BRSK2: variants seen among roughly 807,000 people sequenced by gnomAD.
The protein encoded by BRSK2 is serine/threonine-protein kinase BRSK2.
BRSK2 carries 19 observed loss-of-function variants against 83.3 expected under a neutral mutation model. That is an observed-to-expected ratio of 0.23 (90% CI 0.16 to 0.33). The LOEUF (loss-of-function observed/expected upper bound fraction) is 0.33, where lower values mean the gene tolerates loss of function less well. Among genes scored for constraint, BRSK2 ranks in the 10% least tolerant of loss-of-function variants. The pLI is 1.00. For missense variants in BRSK2, 798 were observed against 1,042.3 expected (o/e 0.77, Z 3.23); for synonymous variants, 519 against 435.4 (o/e 1.19, Z -2.39).
chr11:1,440,703 C>T, intron 3 of BRSK2, 85 bp from the exon 4 acceptor site: 1 of 1,485,714 alleles, frequency 6.7e-7, no homozygotes, highest in East Asian at 2.5e-5. Context: ...GAGGCTGGGC[C>T]AGGAGGCGGC....
chr11:1,461,414 G>A lies in BRSK2; in HGVS notation c.*691G>A, dbSNP rs1847488598. On this transcript the variant is annotated 3_prime_UTR_variant, in exon 20 of 20. Transcript: ENST00000528841. ...CCTCCCGTCCTCTCGTCTCACCCGC[G>A]CCTCCCTTGCCTCATCTGGGGCGGC... 4.0e-6 allele frequency: 1 copy of A among 248,108 alleles called. No individual in the cohort carries two copies. Among genetic ancestry groups the A allele is most frequent in the Non-Finnish European group, 7.8e-6 (1 of 128,820 alleles). 15.4% of individuals were successfully genotyped at this position (248,108 alleles called of 1,614,324 possible).
chr11:1,439,869 T>TCTTCCCCTGCCCTGGGGGCTTCACAC (rs373230739), intron 3 of BRSK2, among the ~76,000 whole-genome samples: 20 of 133,954 alleles, frequency 1.5e-4, no homozygotes, highest in African/African-American at 4.0e-4. Flanking sequence ...GGGCTTCATA[T>TCTTCCCCTGCCCTGGGGGCTTCACAC]CTTCCCCTGC....
At chr11:1,435,238 G>T (rs1850131729) in intron 1 of BRSK2, among the ~76,000 whole-genome samples, 1 of 134,258 alleles carries the variant, frequency 7.4e-6, no homozygotes, top group South Asian at 2.8e-4. Context: ...TCTCAGCGGA[G>T]GAGGGGTGCC....
In BRSK2 at chr11:1,454,372, T is replaced by A; in HGVS notation, c.1545-113T>A. On this transcript the variant is annotated intron_variant, in intron 15 of 19. Transcript: ENST00000528841. The surrounding 1 kb of genome is among the most constrained non-coding windows in gnomAD (Gnocchi z 5.2). ...TGGCTAGCACTGTGGAGACAGCCGT[T>A]TCTATCACGAAGCGATGGAAGATTC... 7.6e-7 allele frequency: 1 copy of A among 1,314,276 alleles called. No individual in the cohort carries two copies. The highest frequency in any genetic ancestry group is 1.4e-5 in the African/African-American group (1 of 69,002). 81.4% of individuals were successfully genotyped at this position (1,314,276 alleles called of 1,614,324 possible). A position where few individuals can be genotyped will look rare whatever the true frequency, so the allele number is the denominator to read the frequency against.
At chr11:1,397,316 C>T (rs767021584) in intron 1 of BRSK2, among the ~76,000 whole-genome samples, 2 of 152,114 alleles carry the variant, frequency 1.3e-5, no homozygotes, top group African/African-American at 2.4e-5. Context: ...GGACAAAGCA[C>T]GGATTGTGCC....
Position 1,454,680 on chromosome 11 carries a change from C to A in BRSK2, c.1668+72C>A, listed in dbSNP as rs1207116595. The stretch of plus-strand genomic sequence containing the variant: ...ACACGGCCCAGCCCCGAGAATCCAG[C>A]CTCCTCACGTAGACAGGACATGTCC... On this transcript the variant is annotated intron_variant, in intron 16 of 19. Transcript: ENST00000528841. The surrounding 1 kb of genome is among the most constrained non-coding windows in gnomAD (Gnocchi z 5.2). The A allele has an allele frequency of 2.5e-6, 4 of 1,573,868 alleles. No individual in the cohort carries two copies. In the South Asian group the frequency reaches 3.4e-5, roughly 13 times the overall value.
chr11:1,458,313 C>T (rs1282027424), intron 18 of BRSK2, among the ~76,000 whole-genome samples: 2 of 152,160 alleles, frequency 1.3e-5, no homozygotes, highest in Admixed American at 1.3e-4. Flanking sequence ...CCAAGCCCCT[C>T]TCCATTCCTG....
At chr11:1,407,607 G>A (rs955524077) in intron 1 of BRSK2, among the ~76,000 whole-genome samples, 4 of 152,212 alleles carry the variant, frequency 2.6e-5, no homozygotes, top group African/African-American at 9.7e-5. Context: ...AGGGGTTCTA[G>A]ACCCTCTAGG....
In BRSK2 at chr11:1,456,362, C is replaced by A. The variant is rs762280710; in HGVS notation, c.1683C>A (p.Ser561Arg). Residue 561 changes from serine to arginine, a missense_variant, in exon 17 of 20, where the codon AGC (serine) becomes AGA (arginine). Coordinates refer to ENST00000528841, the MANE Select transcript of BRSK2 (RefSeq NM_001256627.2). ...TCTCTCCACAGATTCCCAGTCTCAGCCACAGCGTCATCTCCCAAACGAGCT... is the reference window on the plus strand; with the variant it reads ...TCTCTCCACAGATTCCCAGTCTCAGACACAGCGTCATCTCCCAAACGAGCT... ...VHAFLSIPSL[S>R]HSVISQTSFR... 4.5e-6 allele frequency: 7 copies of A among 1,570,744 alleles called. No individual in the cohort carries two copies. Among genetic ancestry groups the A allele is most frequent in the Non-Finnish European group, 6.0e-6 (7 of 1,158,732 alleles).
chr11:1,418,760 T>C (rs1279441462), intron 1 of BRSK2, among the ~76,000 whole-genome samples: 11 of 152,266 alleles, frequency 7.2e-5, no homozygotes, highest in Admixed American at 7.2e-4. Flanking sequence ...GTAGGAGCTG[T>C]CATCCTGGAG....
Position 1,460,755 on chromosome 11 carries a change from G to T in BRSK2, c.*32G>T. On this transcript the variant is annotated 3_prime_UTR_variant, in exon 20 of 20. Coordinates refer to ENST00000528841, the MANE Select transcript of BRSK2 (RefSeq NM_001256627.2). ...TAGCCCCCCCCCCCAGCACAGCACT[G>T]ACAGCGGCTGCCTCGCCGCCCGCCG... is the stretch of plus-strand genomic sequence containing the variant. 7.2e-7 allele frequency: 1 copy of T among 1,380,694 alleles called. No individual in the cohort carries two copies. Among genetic ancestry groups the T allele is most frequent in the East Asian group, 2.8e-5 (1 of 35,304 alleles). The allele number at this position is 1,380,694 out of a possible 1,614,324, so 85.5% of individuals were successfully genotyped here. A position where few individuals can be genotyped will look rare whatever the true frequency, so the allele number is the denominator to read the frequency against.
Position 1,460,729 on chromosome 11 carries a change from C to A in BRSK2, c.*6C>A. 7.2e-7 allele frequency: 1 copy of A among 1,386,812 alleles called. No homozygotes were observed. The highest frequency in any genetic ancestry group is 1.4e-5 in the South Asian group (1 of 71,036). 85.9% of individuals were successfully genotyped at this position (1,386,812 alleles called of 1,614,324 possible). A position where few individuals can be genotyped will look rare whatever the true frequency, so the allele number is the denominator to read the frequency against. On this transcript the variant is annotated 3_prime_UTR_variant, in exon 20 of 20. Coordinates refer to ENST00000528841, the MANE Select transcript of BRSK2 (RefSeq NM_001256627.2). ...CCCGCCGCGAGCAGCCTTAGACACA[C>A]TAGCCCCCCCCCCCAGCACAGCACT...
chr11:1,449,054 C>T lies in BRSK2; in HGVS notation c.1227-722C>T, dbSNP rs1205752276. Among the ~76,000 whole-genome samples the T allele has an allele frequency of 4.6e-5, 7 of 152,232 alleles. No homozygotes were observed. The South Asian group carries it at 6.2e-4, about 13-fold the overall frequency. ...GATGGCAGCTGCCACTGTCTGGGCA[C>T]GTGGGCGCCGGCTCGTCCGTGCAGT... On this transcript the variant is annotated intron_variant, in intron 12 of 19. Coordinates refer to ENST00000528841, the MANE Select transcript of BRSK2 (RefSeq NM_001256627.2).
At chr11:1,452,758 G>C (rs888006712) in intron 15 of BRSK2, among the ~76,000 whole-genome samples, 1 of 152,040 alleles carries the variant, frequency 6.6e-6, no homozygotes, top group Non-Finnish European at 1.5e-5. Context: ...CCAAGGGCCC[G>C]GCACAGATGC....
chr11:1,453,174 C>T (rs1461124592), intron 15 of BRSK2, among the ~76,000 whole-genome samples: 1 of 152,246 alleles, frequency 6.6e-6, no homozygotes, highest in Non-Finnish European at 1.5e-5. Flanking sequence ...CTAAAAATAG[C>T]TTCATAGCAA....
At chr11:1,400,091 C>A (rs544373203) in intron 1 of BRSK2, among the ~76,000 whole-genome samples, 1 of 152,270 alleles carries the variant, frequency 6.6e-6, no homozygotes. Context: ...GCACTGATTT[C>A]TAGAAACTGG....
chr11:1,459,098 AC>A (rs1847048958), intron 18 of BRSK2, 93 bp from the exon 19 acceptor site: 18 of 914,604 alleles, frequency 2.0e-5, no homozygotes, highest in South Asian at 7.8e-5. Context: ...TCCTGGCTCC[AC>A]CCCCTCCCCA....
chr11:1,394,922 C>A (rs1314198873), intron 1 of BRSK2, among the ~76,000 whole-genome samples: 1 of 131,246 alleles, frequency 7.6e-6, no homozygotes, highest in African/African-American at 3.0e-5. Flanking sequence ...GAGATGGGTC[C>A]TGGAGATGGG....
At chr11:1,443,164 C>G in intron 6 of BRSK2, 25 bp downstream of exon 6, 1 of 1,537,104 alleles carries the variant, frequency 6.5e-7, no homozygotes, top group Non-Finnish European at 8.7e-7. Context: ...CCGCGTGCAG[C>G]TCTGTGGGGC....
Sources: allele counts gnomAD v4.1 joint callset (sites outside exome capture counted in the v4.1 genomes callset), GRCh38; gene constraint gnomAD v4.1.1; non-coding constraint Gnocchi (gnomAD v3.1); transcripts MANE v1.5; gene names NCBI Gene and HGNC (gene_info 2026-07-23, HGNC 2026-07-21).